CPLX2: variants seen among roughly 807,000 people sequenced by gnomAD.
CPLX2 encodes the protein complexin-2.
In CPLX2, 5 loss-of-function variants were observed where a neutral mutation model predicts 16.3. The observed-to-expected ratio is 0.31, with a 90% CI of 0.16 to 0.64. CPLX2 has a LOEUF of 0.64. Ranked by LOEUF, CPLX2 falls within the 30% of genes least tolerant of loss-of-function variation. CPLX2 has a pLI of 0.79. For synonymous variants in CPLX2, 89 were observed against 73.2 expected, an observed-to-expected ratio of 1.22 and a Z score of -1.10; for missense variants, 144 against 181.4, an observed-to-expected ratio of 0.79 and a Z score of 1.18.
chr5:175,852,921 C>G (rs183219008), intron 2 of CPLX2, among the ~76,000 whole-genome samples: 1 of 152,190 alleles, frequency 6.6e-6, no homozygotes, highest in African/African-American at 2.4e-5. Context: ...AGGAATCTTT[C>G]AACACTCCAG....
chr5:175,877,245 C>T (rs1759781320), intron 1 of CPLX2, among the ~76,000 whole-genome samples: 1 of 147,356 alleles, frequency 6.8e-6, no homozygotes, highest in Non-Finnish European at 1.5e-5. Context: ...TTTTCCTACA[C>T]ATCATGACTT....
chr5:175,815,453 G>A (rs944426359), intron 2 of CPLX2, among the ~76,000 whole-genome samples: 1 of 152,166 alleles, frequency 6.6e-6, no homozygotes, highest in Non-Finnish European at 1.5e-5. Flanking sequence ...CCACTCCAGG[G>A]AGTGGAGTTA....
At chr5:175,834,223 T>C (rs1758783182) in intron 2 of CPLX2, among the ~76,000 whole-genome samples, 1 of 152,170 alleles carries the variant, frequency 6.6e-6, no homozygotes, top group South Asian at 2.1e-4. Context: ...TGACACCAAC[T>C]GCACAGAATT....
chr5:175,842,341 T>C (rs1758959955), intron 2 of CPLX2, among the ~76,000 whole-genome samples: 1 of 152,238 alleles, frequency 6.6e-6, no homozygotes, highest in Non-Finnish European at 1.5e-5. Context: ...AGTGCTCTAA[T>C]CATACAGCAA....
intron 2 of CPLX2, among the ~76,000 whole-genome samples, chr5:175,826,715 C>T (rs1206794769): frequency 1.3e-5 from 2 of 152,094 alleles, no homozygotes; most frequent in Non-Finnish European, 2.9e-5. Flanking sequence ...GAGGACCCAC[C>T]AATGCCTAGG....
chr5:175,826,730 C>A, intron 2 of CPLX2, among the ~76,000 whole-genome samples: 1 of 152,118 alleles, frequency 6.6e-6, no homozygotes, highest in Non-Finnish European at 1.5e-5. Flanking sequence ...CCTAGGCCAA[C>A]CCAGGTTCCC....
chr5:175,848,311 C>T (rs1376299326), intron 2 of CPLX2, among the ~76,000 whole-genome samples: 1 of 152,212 alleles, frequency 6.6e-6, no homozygotes, highest in African/African-American at 2.4e-5. Flanking sequence ...AGGGGCCCAT[C>T]TACCCAAGGG....
chr5:175,866,311 G>C (rs1759476007), intron 2 of CPLX2, among the ~76,000 whole-genome samples: 1 of 152,208 alleles, frequency 6.6e-6, no homozygotes, highest in African/African-American at 2.4e-5. Context: ...ACATCTCAAA[G>C]AGTTGAAAGG....
intron 2 of CPLX2, among the ~76,000 whole-genome samples, chr5:175,835,620 C>G (rs1046835086): frequency 1.3e-5 from 2 of 151,832 alleles, no homozygotes; most frequent in Non-Finnish European, 2.9e-5. Context: ...CTGAGCTCTT[C>G]CCAGTGCTGA....
At chr5:175,815,668 CTCAT>C (rs909645800) in intron 2 of CPLX2, among the ~76,000 whole-genome samples, 5 of 152,216 alleles carry the variant, frequency 3.3e-5, no homozygotes, top group African/African-American at 1.2e-4. Context: ...CTAACTTCTA[CTCAT>C]CCACTACAAC....
At chr5:175,814,923 C>A (rs1243330806) in intron 2 of CPLX2, among the ~76,000 whole-genome samples, 1 of 152,128 alleles carries the variant, frequency 6.6e-6, no homozygotes, top group Non-Finnish European at 1.5e-5. Flanking sequence ...CTCGGCCAGC[C>A]CAAAGCATGG....
At chr5:175,869,209 G>C (rs1257090545), upstream of CPLX2, among the ~76,000 whole-genome samples, 5 of 152,228 alleles carry the variant, frequency 3.3e-5, no homozygotes, top group Non-Finnish European at 2.9e-5. Context: ...GCAACAAAAT[G>C]AAGTCACCAA....
At chr5:175,831,560 C>T (rs1365092503) in intron 2 of CPLX2, among the ~76,000 whole-genome samples, 1 of 152,196 alleles carries the variant, frequency 6.6e-6, no homozygotes, top group African/African-American at 2.4e-5. Context: ...CTGTTATGGG[C>T]TCTGAGCAGA....
chr5:175,855,784 T>C (rs555052968), intron 2 of CPLX2, among the ~76,000 whole-genome samples: 8 of 152,122 alleles, frequency 5.3e-5, no homozygotes, highest in Non-Finnish European at 1.0e-4. Flanking sequence ...TAGGCCTGGA[T>C]TACATGCCAA....
At chr5:175,820,734 G>A (rs1317146405) in intron 2 of CPLX2, among the ~76,000 whole-genome samples, 1 of 152,122 alleles carries the variant, frequency 6.6e-6, no homozygotes, top group Non-Finnish European at 1.5e-5. Context: ...TGCATTTCAT[G>A]AGCATCTCCA....
At chr5:175,873,301 G>T (rs1561791269) in intron 1 of CPLX2, among the ~76,000 whole-genome samples, 1 of 151,542 alleles carries the variant, frequency 6.6e-6, no homozygotes, top group African/African-American at 2.4e-5. Context: ...GCACTCACAC[G>T]ATGTCTAAGT....
At chr5:175,818,982 A>AT (rs1352729721) in intron 2 of CPLX2, among the ~76,000 whole-genome samples, 1 of 152,022 alleles carries the variant, frequency 6.6e-6, no homozygotes, top group East Asian at 1.9e-4. Flanking sequence ...AATTTCATAG[A>AT]TTCATTGGCT....
intron 2 of CPLX2, among the ~76,000 whole-genome samples, chr5:175,863,848 A>T (rs1237180864): frequency 2.0e-5 from 3 of 152,194 alleles, no homozygotes; most frequent in Non-Finnish European, 4.4e-5. Context: ...CTAGGCCTTC[A>T]TGTGCAGGAG....
In CPLX2 at chr5:175,826,556, A is replaced by T. The variant is rs577375546; in HGVS notation, c.-89+17488A>T. Among the ~76,000 whole-genome samples, 117 of 152,302 alleles carry T rather than the reference A, an allele frequency of 7.7e-4. 2 individuals carry two copies. The South Asian group carries it at 0.024, about 31-fold the overall frequency. On this transcript the variant is annotated intron_variant, in intron 2 of 4. Transcript: ENST00000359546. ...GCCAGCAGGAATCAGACGGACCCTCAACTGGGCTGGAGAGATGTTTGTGGC... is the reference window on the plus strand; with the variant it reads ...GCCAGCAGGAATCAGACGGACCCTCTACTGGGCTGGAGAGATGTTTGTGGC...
Sources: gnomAD v4.1 joint callset for allele counts (sites outside exome capture counted in the v4.1 genomes callset) on GRCh38, gnomAD v4.1.1 for gene constraint, MANE v1.5 for transcripts, NCBI Gene and HGNC (gene_info 2026-07-23, HGNC 2026-07-21) for gene names.